NPAS3: variants seen among roughly 807,000 people sequenced by gnomAD.
The protein encoded by NPAS3 is neuronal PAS domain protein 3.
Under a neutral mutation model 73.1 loss-of-function variants are expected in NPAS3, and 14 were observed. The observed-to-expected ratio is 0.19, with a 90% confidence interval of 0.13 to 0.30. The LOEUF is 0.30. Ranked by LOEUF, NPAS3 falls within the 10% of genes least tolerant of loss-of-function variation. NPAS3 has a pLI of 1.00. For missense variants in NPAS3, 1,096 were observed against 1,250.0 expected, an observed-to-expected ratio of 0.88 and a Z score of 1.86; for synonymous variants, 620 against 541.5, an observed-to-expected ratio of 1.14 and a Z score of -2.01.
chr14:33,054,441 T>C (rs2040812767), intron 1 of NPAS3, among the ~76,000 whole-genome samples: 2 of 152,112 alleles, frequency 1.3e-5, no homozygotes, highest in African/African-American at 2.4e-5. Flanking sequence ...TTATATAGTT[T>C]GAATATAACA....
intron 2 of NPAS3, among the ~76,000 whole-genome samples, chr14:33,157,596 AAG>A (rs1408458805): frequency 3.9e-5 from 6 of 152,244 alleles, no homozygotes; most frequent in Non-Finnish European, 7.3e-5. Flanking sequence ...GTGGTCAAGA[AAG>A]AGAAAAAAAA....
chr14:33,150,396 G>A (rs920931205), intron 2 of NPAS3, among the ~76,000 whole-genome samples: 8 of 152,254 alleles, frequency 5.3e-5, no homozygotes, highest in Middle Eastern at 3.4e-3. Flanking sequence ...TTGTTGAAAC[G>A]TGCATCAGCA....
At chr14:33,261,858 G>A (rs1190876194) in intron 3 of NPAS3, among the ~76,000 whole-genome samples, 1 of 152,140 alleles carries the variant, frequency 6.6e-6, no homozygotes, top group Non-Finnish European at 1.5e-5. Flanking sequence ...CTTATTATAG[G>A]AATTCTTGGC....
intron 4 of NPAS3, among the ~76,000 whole-genome samples, chr14:33,381,898 C>T (rs1447166653): frequency 6.6e-6 from 1 of 152,160 alleles, no homozygotes; most frequent in African/African-American, 2.4e-5. Flanking sequence ...CCTGCTGAGA[C>T]TTGCCATTTC....
chr14:33,436,584 A>G (rs2048999920), intron 4 of NPAS3, among the ~76,000 whole-genome samples: 1 of 152,152 alleles, frequency 6.6e-6, no homozygotes, highest in African/African-American at 2.4e-5. Context: ...TGCTGTTTTT[A>G]TAAAGCAGCA....
intron 2 of NPAS3, among the ~76,000 whole-genome samples, chr14:33,201,105 T>C (rs1285077138): frequency 6.6e-6 from 1 of 152,128 alleles, no homozygotes; most frequent in Non-Finnish European, 1.5e-5. Context: ...AGAAATCAAA[T>C]AGAAGAAAAT....
intron 6 of NPAS3, among the ~76,000 whole-genome samples, chr14:33,708,013 C>T (rs1355727764): frequency 6.6e-6 from 1 of 152,142 alleles, no homozygotes; most frequent in East Asian, 1.9e-4. Context: ...TTTATTACCT[C>T]ACCAGGGGCT....
chr14:33,278,894 G>A (rs543888881), intron 3 of NPAS3, among the ~76,000 whole-genome samples: 13 of 152,288 alleles, frequency 8.5e-5, no homozygotes, highest in African/African-American at 2.6e-4. Context: ...GAAAGGACAC[G>A]AAGATTTCTT....
chr14:33,122,017 C>T (rs1213881296), intron 2 of NPAS3, among the ~76,000 whole-genome samples: 1 of 152,126 alleles, frequency 6.6e-6, no homozygotes, highest in Non-Finnish European at 1.5e-5. Flanking sequence ...AATGAAATTA[C>T]TGTGTTAATG....
At chr14:33,775,046 A>C (rs1235912959) in intron 8 of NPAS3, among the ~76,000 whole-genome samples, 1 of 152,200 alleles carries the variant, frequency 6.6e-6, no homozygotes, top group Non-Finnish European at 1.5e-5. Context: ...TTTATAAATT[A>C]AAAAAAGATG....
intron 6 of NPAS3, among the ~76,000 whole-genome samples, chr14:33,704,259 T>C (rs1434850189): frequency 6.6e-6 from 1 of 152,154 alleles, no homozygotes; most frequent in African/African-American, 2.4e-5. Context: ...TAAATTATAA[T>C]GTGTGTGTAC....
intron 5 of NPAS3, among the ~76,000 whole-genome samples, chr14:33,638,874 T>C (rs930959622): frequency 1.3e-5 from 2 of 152,216 alleles, no homozygotes; most frequent in African/African-American, 4.8e-5. Context: ...GTCCTAAATC[T>C]CGAGCAGGGA....
chr14:32,994,630 GTTTTTGTTT>G (rs1371688709), intron 1 of NPAS3, among the ~76,000 whole-genome samples: 1 of 123,600 alleles, frequency 8.1e-6, no homozygotes, highest in African/African-American at 3.6e-5. Flanking sequence ...TTGTTTGTTT[GTTTTTGTTT>G]TTTTTTTTTT....
chr14:33,197,115 CAG>C (rs1428412389), intron 2 of NPAS3, among the ~76,000 whole-genome samples: 1 of 152,140 alleles, frequency 6.6e-6, no homozygotes, highest in Non-Finnish European at 1.5e-5. Flanking sequence ...ACAATGTCAT[CAG>C]AGTCTATCAA....
chr14:33,588,147 G>A (rs1380915237), intron 5 of NPAS3, among the ~76,000 whole-genome samples: 9 of 152,150 alleles, frequency 5.9e-5, no homozygotes, highest in East Asian at 1.9e-4. Context: ...TTATGAAGCC[G>A]CCGTCAAACA....
chr14:33,326,866 G>A (rs1310857228), intron 3 of NPAS3, among the ~76,000 whole-genome samples: 3 of 152,182 alleles, frequency 2.0e-5, no homozygotes, highest in Non-Finnish European at 2.9e-5. Flanking sequence ...ATGACAAGGC[G>A]GTGGTGGACA....
intron 2 of NPAS3, among the ~76,000 whole-genome samples, chr14:33,082,336 A>G (rs2041886220): frequency 6.6e-6 from 1 of 152,230 alleles, no homozygotes; most frequent in African/African-American, 2.4e-5. Flanking sequence ...GGTAAAGTTA[A>G]GGTGACTTTG....
chr14:33,332,492 G>A (rs1455819757), intron 3 of NPAS3, among the ~76,000 whole-genome samples: 1 of 152,164 alleles, frequency 6.6e-6, no homozygotes, highest in Non-Finnish European at 1.5e-5. Flanking sequence ...AGAGGACAGT[G>A]TGTTAGATGT....
chr14:33,589,184 G>T (rs780814337), intron 5 of NPAS3, among the ~76,000 whole-genome samples: 1 of 152,130 alleles, frequency 6.6e-6, no homozygotes, highest in African/African-American at 2.4e-5. Context: ...ACTTTCTCCA[G>T]TTCTGTTTTC....
Sources: allele counts gnomAD v4.1 joint callset (sites outside exome capture counted in the v4.1 genomes callset), GRCh38; gene constraint gnomAD v4.1.1; transcripts MANE v1.5; gene names NCBI Gene and HGNC (gene_info 2026-07-23, HGNC 2026-07-21).